RANBP17: variants seen among roughly 807,000 people sequenced by gnomAD.
RANBP17 encodes RAN binding protein 17.
A neutral mutation model predicts 141.2 loss-of-function variants in RANBP17; 158 were observed. The ratio of observed to expected loss-of-function variants is 1.12; its 90% CI spans 0.98 to 1.28. RANBP17 has a LOEUF of 1.28. RANBP17 is among the 50% of genes most tolerant of loss of function. RANBP17 has a pLI of 0.00. For synonymous variants in RANBP17, 430 were observed against 450.0 expected (o/e 0.96, Z 0.56); for missense variants, 1,438 against 1,290.7 (o/e 1.11, Z -1.75).
chr5:171,127,168 T>A (rs1756532335), intron 14 of RANBP17, among the ~76,000 whole-genome samples: 1 of 152,168 alleles, frequency 6.6e-6, no homozygotes, highest in East Asian at 1.9e-4. Flanking sequence ...GGATGGTTCA[T>A]CATATGTAAA....
chr5:170,925,824 C>A lies in RANBP17; in HGVS notation c.1468+1274C>A, dbSNP rs143206788. On this transcript the variant is annotated intron_variant, in intron 12 of 27. Coordinates refer to ENST00000523189, the MANE Select transcript of RANBP17 (RefSeq NM_022897.5). ...ATTTATTCTTTGACAACTTTATTAT[C>A]ATTTCTCAGTATTTTATTTATGACA... 2.0e-5 allele frequency among the ~76,000 whole-genome samples: 3 copies of A among 152,252 alleles called. No homozygotes were observed. The East Asian group carries it at 5.8e-4, about 29-fold the overall frequency.
At chr5:170,866,062 G>A (rs1415599436) in intron 1 of RANBP17, among the ~76,000 whole-genome samples, 2 of 152,064 alleles carry the variant, frequency 1.3e-5, no homozygotes, top group Admixed American at 6.6e-5. Flanking sequence ...GATTGTCCAC[G>A]TGTTTGAAAT....
At chr5:171,221,949 G>T in intron 22 of RANBP17, 109 bp downstream of exon 22, 1 of 727,832 alleles carries the variant, frequency 1.4e-6, no homozygotes, top group Non-Finnish European at 2.3e-6. Flanking sequence ...TTATGAATTT[G>T]TGAAGTCGGT....
rs561597054 is a variant in RANBP17, at chr5:171,103,843, C to T, written c.1711-66287C>T. On this transcript the variant is annotated intron_variant, in intron 14 of 27. Transcript: ENST00000523189. ...CACAGTTCCTCAGGGCTTCCCTTGGCTAGGCGACGGAGGTCCCCAACCCCT... is the reference window on the plus strand; with the variant it reads ...CACAGTTCCTCAGGGCTTCCCTTGGTTAGGCGACGGAGGTCCCCAACCCCT... Among the ~76,000 whole-genome samples the T allele has an allele frequency of 3.7e-3, 558 of 152,278 alleles. 6 individuals are homozygous for T. The highest frequency in any genetic ancestry group is 0.013 in the African/African-American group (533 of 41,566).
chr5:171,245,058 G>A (rs542269388), intron 24 of RANBP17, among the ~76,000 whole-genome samples: 2 of 151,898 alleles, frequency 1.3e-5, no homozygotes, highest in Non-Finnish European at 2.9e-5. Context: ...GCACCTGGGA[G>A]GCGGAGCTTG....
rs1286638008 is a variant in RANBP17 at position 170,942,170 on chromosome 5, C to G, written c.1469-11427C>G. On this transcript the variant is annotated intron_variant, in intron 12 of 27. Coordinates refer to ENST00000523189, the MANE Select transcript of RANBP17 (RefSeq NM_022897.5). ...CTAATGTGTATAATGCCTGATGACC[C>G]GAGGTGGAACAGTTTCATCCCAAAA... 2.6e-5 allele frequency among the ~76,000 whole-genome samples: 4 copies of G among 152,048 alleles called. No homozygotes were observed. The South Asian group carries it at 6.2e-4, about 24-fold the overall frequency.
At chr5:171,088,515 G>T (rs557514175) in intron 14 of RANBP17, among the ~76,000 whole-genome samples, 104 of 152,252 alleles carry the variant, frequency 6.8e-4, no homozygotes, top group East Asian at 5.6e-3. Flanking sequence ...GGCCTGCCTT[G>T]CTAGATTGGG....
At chr5:170,916,074 A>C (rs534838096) in intron 8 of RANBP17, among the ~76,000 whole-genome samples, 97 of 151,212 alleles carry the variant, frequency 6.4e-4, no homozygotes, top group African/African-American at 2.1e-3. Context: ...ATTGCATTAT[A>C]ATGCATTATA....
chr5:171,063,872 G>A (rs929278747), intron 14 of RANBP17, among the ~76,000 whole-genome samples: 10 of 152,220 alleles, frequency 6.6e-5, no homozygotes, highest in Non-Finnish European at 1.3e-4. Flanking sequence ...AATGGCGGGC[G>A]CCCCTCCCCC....
chr5:170,880,337 A>T (rs1469544782), intron 2 of RANBP17, among the ~76,000 whole-genome samples: 1 of 152,188 alleles, frequency 6.6e-6, no homozygotes, highest in Admixed American at 6.5e-5. Flanking sequence ...TTTCAAATTG[A>T]CTTTTGATGT....
intron 5 of RANBP17, chr5:170,896,825 G>T: frequency 2.2e-6 from 1 of 449,080 alleles, no homozygotes; most frequent in Non-Finnish European, 4.1e-6. Flanking sequence ...GCAAGACTCT[G>T]TCTCAAACAA....
chr5:171,114,422 A>T (rs2127763862), intron 14 of RANBP17, among the ~76,000 whole-genome samples: 2 of 152,172 alleles, frequency 1.3e-5, no homozygotes, highest in Admixed American at 1.3e-4. Context: ...TACAGTACAT[A>T]CCAGAATATC....
intron 1 of RANBP17, among the ~76,000 whole-genome samples, chr5:170,871,018 T>G (rs1767675933): frequency 6.6e-6 from 1 of 152,190 alleles, no homozygotes; most frequent in African/African-American, 2.4e-5. Context: ...ATAAATGTCT[T>G]CTTTTGAGAA....
chr5:171,074,651 T>C (rs897450845), intron 14 of RANBP17, among the ~76,000 whole-genome samples: 2 of 152,234 alleles, frequency 1.3e-5, no homozygotes, highest in Non-Finnish European at 2.9e-5. Context: ...TAAAGGTACA[T>C]TCTGTCAACA....
chr5:171,293,026 G>A (rs949444208), intron 25 of RANBP17, among the ~76,000 whole-genome samples: 5 of 152,118 alleles, frequency 3.3e-5, no homozygotes, highest in Admixed American at 3.3e-4. Context: ...AACCCTTTGT[G>A]TGCATCCCCA....
chr5:171,145,349 G>A (rs1202651688), intron 14 of RANBP17, among the ~76,000 whole-genome samples: 1 of 151,916 alleles, frequency 6.6e-6, no homozygotes, highest in Admixed American at 6.6e-5. Flanking sequence ...GATCACCTGT[G>A]CTTTAAAATA....
rs1766820390 is a variant in RANBP17 at position 170,862,052 on chromosome 5, G to A, written c.18+1G>A. 1 of 1,463,092 alleles carries A rather than the reference G, an allele frequency of 6.8e-7. No homozygotes were observed. Among genetic ancestry groups the A allele is most frequent in the Non-Finnish European group, 9.0e-7 (1 of 1,114,522 alleles). The allele number at this position is 1,463,092 out of a possible 1,614,324, so 90.6% of individuals were successfully genotyped here. On this transcript the variant is annotated splice_donor_variant, in intron 1 of 27. Coordinates refer to ENST00000523189, the MANE Select transcript of RANBP17 (RefSeq NM_022897.5). LOFTEE classifies it high-confidence loss of function. ...TGGGAAGATGGCGCTGCACTTCCAG[G>A]TCAGTGTGCTCTGCGCCGCGGGCCC...
chr5:171,195,220 A>G (rs1203456881), intron 18 of RANBP17, among the ~76,000 whole-genome samples: 1 of 152,228 alleles, frequency 6.6e-6, no homozygotes, highest in East Asian at 1.9e-4. Flanking sequence ...AACAGCTTCA[A>G]TTATTATTCA....
intron 14 of RANBP17, among the ~76,000 whole-genome samples, chr5:171,148,127 A>C (rs1006337769): frequency 1.7e-4 from 26 of 151,998 alleles, no homozygotes; most frequent in Admixed American, 9.8e-4. Flanking sequence ...TGCTGTGTCC[A>C]CTCAGGGTTA....
Sources: allele counts gnomAD v4.1 joint callset (sites outside exome capture counted in the v4.1 genomes callset), GRCh38; gene constraint gnomAD v4.1.1; transcripts MANE v1.5; gene names NCBI Gene and HGNC (gene_info 2026-07-23, HGNC 2026-07-21).